The following USP24 variants were observed in gnomAD, a reference collection of about 807,000 sequenced individuals.
The protein encoded by USP24 is ubiquitin carboxyl-terminal hydrolase 24.
A neutral mutation model predicts 361.6 loss-of-function variants in USP24; 97 were observed. The observed-to-expected ratio is 0.27, with a 90% CI of 0.23 to 0.32. The LOEUF (loss-of-function observed/expected upper bound fraction) is 0.32. USP24 is among the 10% of genes least tolerant of loss of function. The pLI is 1.00. For missense variants in USP24, 2,353 were observed against 3,165.6 expected (o/e 0.74, Z 6.16); for synonymous variants, 1,098 against 1,124.6 (o/e 0.98, Z 0.47).
At chr1:55,090,578 G>T (rs976323981) in intron 54 of USP24, among the ~76,000 whole-genome samples, 1 of 152,134 alleles carries the variant, frequency 6.6e-6, no homozygotes, top group African/African-American at 2.4e-5. Flanking sequence ...TCCATACTTG[G>T]AGAAGCTCAC....
chr1:55,206,978 G>T (rs753324349), intron 1 of USP24, among the ~76,000 whole-genome samples: 1 of 151,944 alleles, frequency 6.6e-6, no homozygotes, highest in Admixed American at 6.6e-5. Context: ...ACCAGCCTGC[G>T]CAACATGGCG....
At chr1:55,104,913 T>C (rs1645730803) in intron 41 of USP24, among the ~76,000 whole-genome samples, 1 of 152,226 alleles carries the variant, frequency 6.6e-6, no homozygotes, top group Non-Finnish European at 1.5e-5. Context: ...ATTACTGTGA[T>C]ACAAAATAGC....
chr1:55,104,143 G>GACATCCCCAGACATCCAT, intron 41 of USP24, 123 bp from the exon 42 acceptor site: 1 of 1,221,842 alleles, frequency 8.2e-7, no homozygotes, highest in Non-Finnish European at 1.1e-6. Context: ...ACTTAAGTCA[G>GACATCCCCAGACATCCAT]GTCTAACCCC....
At chr1:55,194,670 CCTCT>C (rs371229962) in intron 1 of USP24, among the ~76,000 whole-genome samples, 4 of 148,852 alleles carry the variant, frequency 2.7e-5, no homozygotes, top group Non-Finnish European at 4.5e-5. Context: ...TTTCTTTGTC[CCTCT>C]CTCTCTCTCT....
chr1:55,128,884 TTTTA>T (rs1372232707), intron 32 of USP24, among the ~76,000 whole-genome samples: 1 of 151,844 alleles, frequency 6.6e-6, no homozygotes, highest in Non-Finnish European at 1.5e-5. Flanking sequence ...TCAACTATTT[TTTTA>T]TTTTTATTTT....
intron 26 of USP24, 40 bp downstream of exon 26, chr1:55,138,568 G>C: frequency 1.4e-6 from 2 of 1,418,592 alleles, no homozygotes; most frequent in Non-Finnish European, 2.0e-6. Context: ...AAAATAATAA[G>C]ACAACATGAA....
At chr1:55,099,744 T>A in intron 45 of USP24, 27 bp downstream of exon 45, 1 of 1,489,846 alleles carries the variant, frequency 6.7e-7, no homozygotes, top group Non-Finnish European at 9.1e-7. Flanking sequence ...TTTGAGGGAG[T>A]TAGAGGGAAA....
At chr1:55,205,031 G>A (rs1485822983) in intron 1 of USP24, among the ~76,000 whole-genome samples, 1 of 152,184 alleles carries the variant, frequency 6.6e-6, no homozygotes, top group Non-Finnish European at 1.5e-5. Context: ...CAGAAAGAAA[G>A]TTAAGTAACA....
chr1:55,118,647 A>G (rs1339685528), intron 38 of USP24, among the ~76,000 whole-genome samples: 1 of 152,238 alleles, frequency 6.6e-6, no homozygotes, highest in African/African-American at 2.4e-5. Flanking sequence ...AGATTGGGAG[A>G]AAATATCTGC....
At chr1:55,131,683 G>T (rs1249799960) in intron 31 of USP24, among the ~76,000 whole-genome samples, 1 of 152,110 alleles carries the variant, frequency 6.6e-6, no homozygotes, top group Non-Finnish European at 1.5e-5. Context: ...ATAATTATAT[G>T]CTCCCAATCA....
At chr1:55,205,467 T>C (rs994761210) in intron 1 of USP24, among the ~76,000 whole-genome samples, 2 of 152,196 alleles carry the variant, frequency 1.3e-5, no homozygotes, top group Non-Finnish European at 2.9e-5. Flanking sequence ...GAGCCAGTTT[T>C]CTTAAAGCTA....
intron 1 of USP24, among the ~76,000 whole-genome samples, chr1:55,195,092 T>G (rs924650742): frequency 9.9e-5 from 15 of 152,132 alleles, no homozygotes; most frequent in Non-Finnish European, 2.2e-4. Context: ...ATCACTCACT[T>G]CCTCAGAAAG....
chr1:55,142,809 T>A lies in USP24; in HGVS notation c.2581-14A>T. ...AGATACTGAATCCTGAAAGAGTATA[T>A]GGAAATTACAATTAGTCCTTGACAT... On this transcript the variant is annotated splice_polypyrimidine_tract_variant and intron_variant, in intron 22 of 67. Transcript: ENST00000294383. 6.6e-7 allele frequency: 1 copy of A among 1,516,902 alleles called. No homozygotes were observed. Among genetic ancestry groups the A allele is most frequent in the South Asian group, 1.3e-5 (1 of 79,542 alleles). The allele number at this position is 1,516,902 out of a possible 1,614,324, so 94.0% of individuals were successfully genotyped here. A position where few individuals can be genotyped will look rare whatever the true frequency, so the allele number is the denominator to read the frequency against.
At chr1:55,189,503 T>C (rs1026830597) in intron 1 of USP24, among the ~76,000 whole-genome samples, 2 of 152,206 alleles carry the variant, frequency 1.3e-5, no homozygotes, top group Non-Finnish European at 2.9e-5. Context: ...ATTCTGTTTA[T>C]ATGAAATGTT....
At chr1:55,160,182 A>C (rs753008155) in intron 8 of USP24, among the ~76,000 whole-genome samples, 77 of 152,238 alleles carry the variant, frequency 5.1e-4, no homozygotes, top group Non-Finnish European at 9.7e-4. Context: ...GAGAATGGTA[A>C]AGTATTAGCT....
rs2100824687 is a variant in USP24, at chr1:55,178,047, G to A, written c.410C>T (p.Thr137Ile). ...NLYELESRVL[T>I]DHWSIPYKRE... ...CTTGTAAGGGATGGACCAATGATCA[G>A]TCAAAACACGGCTTTCCAGTTCATA... Residue 137 changes from threonine (T) to isoleucine (I), a missense_variant, in exon 2 of 68, where the codon ACT becomes ATT. Thr to Ile is a moderately conservative substitution (Grantham distance 89). Coordinates refer to ENST00000294383, the MANE Select transcript of USP24 (RefSeq NM_015306.3). 5.8e-6 allele frequency: 9 copies of A among 1,551,638 alleles called. No homozygotes were observed. The highest frequency in any genetic ancestry group is 7.8e-6 in the Non-Finnish European group (9 of 1,146,920).
intron 7 of USP24, among the ~76,000 whole-genome samples, chr1:55,163,349 G>A (rs1165304232): frequency 3.3e-5 from 5 of 151,730 alleles, no homozygotes; most frequent in Admixed American, 6.6e-5. Context: ...AAAATACTAG[G>A]AGAAAAGATT....
rs370741924 is a variant in USP24, at chr1:55,215,147, C to A, written c.-34G>T. The A allele has an allele frequency of 6.6e-6, 8 of 1,219,892 alleles. No homozygotes were observed. Among genetic ancestry groups the A allele is most frequent in the Non-Finnish European group, 8.2e-6 (8 of 976,278 alleles). 75.6% of individuals were successfully genotyped at this position (1,219,892 alleles called of 1,614,324 possible). On this transcript the variant is annotated 5_prime_UTR_variant, in exon 1 of 68. Transcript: ENST00000294383. ...CCTCCTGGCCGCCCCGGCCAGCGCACGGCGAAGCTACGGGTCCCGGGCCTG... is the reference window on the plus strand; with the variant it reads ...CCTCCTGGCCGCCCCGGCCAGCGCAAGGCGAAGCTACGGGTCCCGGGCCTG...
intron 1 of USP24, among the ~76,000 whole-genome samples, chr1:55,180,322 C>A (rs769225901): frequency 1.3e-5 from 2 of 152,304 alleles, no homozygotes; most frequent in African/African-American, 2.4e-5. Context: ...CTGGTTCTCT[C>A]TTGGGACACC....
Sources: gnomAD v4.1 joint callset for allele counts (sites outside exome capture counted in the v4.1 genomes callset) on GRCh38, gnomAD v4.1.1 for gene constraint, MANE v1.5 for transcripts, NCBI Gene and HGNC (gene_info 2026-07-23, HGNC 2026-07-21) for gene names.